Variants in TCF4 observed in about 807,000 individuals in gnomAD.
The protein encoded by TCF4 is transcription factor 4.
TCF4 carries 3 observed loss-of-function variants against 82.1 expected under a neutral mutation model. That is an observed-to-expected ratio of 0.04 (90% CI 0.02 to 0.09). The LOEUF (loss-of-function observed/expected upper bound fraction) is 0.09. Ranked by LOEUF, TCF4 falls within the 10% of genes least tolerant of loss-of-function variation. The probability of loss-of-function intolerance (pLI) is 1.00; values close to 1 mark genes in which losing one functional copy is unlikely to be tolerated. For missense variants in TCF4, 518 were observed against 852.7 expected (o/e 0.61, Z 4.89); for synonymous variants, 276 against 309.6 (o/e 0.89, Z 1.14).
At chr18:55,588,009 C>A (rs1337958315) in intron 1 of TCF4, 29 bp downstream of exon 1, 1 of 980,722 alleles carries the variant, frequency 1.0e-6, no homozygotes, top group African/African-American at 1.8e-5. Flanking sequence ...GCCTCCGCCC[C>A]GCCGAGCCCC....
intron 10 of TCF4, among the ~76,000 whole-genome samples, chr18:55,272,231 A>G (rs2146029930): frequency 6.6e-6 from 1 of 152,282 alleles, no homozygotes; most frequent in Admixed American, 6.5e-5. Flanking sequence ...TTAGAGACTC[A>G]TAGAAAATTA....
At chr18:55,576,564 T>G (rs2097529865) in intron 3 of TCF4, among the ~76,000 whole-genome samples, 1 of 152,132 alleles carries the variant, frequency 6.6e-6, no homozygotes, top group Non-Finnish European at 1.5e-5. Flanking sequence ...TCCAGTTTCT[T>G]TCATCTGTGC....
intron 5 of TCF4, among the ~76,000 whole-genome samples, chr18:55,451,305 T>C (rs1249991145): frequency 1.3e-5 from 2 of 152,172 alleles, no homozygotes; most frequent in African/African-American, 4.8e-5. Context: ...GATTACAAAG[T>C]GTATCACATC....
chr18:55,269,541 ACT>A (rs1012618796), intron 11 of TCF4: 2 of 422,438 alleles, frequency 4.7e-6, no homozygotes, highest in African/African-American at 2.0e-5. Context: ...GACTTTGTTC[ACT>A]CTTTTTGAAT....
upstream of TCF4, chr18:55,589,933 G>C: frequency 1.5e-6 from 1 of 671,976 alleles, no homozygotes; most frequent in Non-Finnish European, 1.8e-6. Context: ...GGTGCTGGTC[G>C]ACCACGCCTC....
chr18:55,596,493 C>T (rs2097691056), intron 2 of TCF4, among the ~76,000 whole-genome samples: 2 of 152,132 alleles, frequency 1.3e-5, no homozygotes, highest in South Asian at 4.1e-4. Flanking sequence ...ACAGTTGTAA[C>T]CTAGTAATTA....
intron 5 of TCF4, chr18:55,423,425 G>GCGCACACACA (rs1556305412): frequency 1.4e-5 from 2 of 141,590 alleles, no homozygotes; most frequent in Admixed American, 1.4e-4. Flanking sequence ...ACACGCGCGC[G>GCGCACACACA]CGCACACACA....
At chr18:55,520,882 C>A (rs896942772) in intron 3 of TCF4, among the ~76,000 whole-genome samples, 1 of 152,182 alleles carries the variant, frequency 6.6e-6, no homozygotes, top group Non-Finnish European at 1.5e-5. Flanking sequence ...AATCAGTGTT[C>A]CTTAAGCCAC....
chr18:55,468,538 A>G (rs2096083884), intron 3 of TCF4, among the ~76,000 whole-genome samples: 1 of 152,232 alleles, frequency 6.6e-6, no homozygotes, highest in East Asian at 1.9e-4. Context: ...GCAAGTACAC[A>G]GAATTTATTA....
intron 3 of TCF4, among the ~76,000 whole-genome samples, chr18:55,507,314 G>C (rs972517152): frequency 2.0e-5 from 3 of 152,190 alleles, no homozygotes; most frequent in Non-Finnish European, 4.4e-5. Flanking sequence ...CACTGCCATA[G>C]TAACAGTCAA....
At chr18:55,525,116 T>C (rs749872193) in intron 3 of TCF4, among the ~76,000 whole-genome samples, 24 of 152,142 alleles carry the variant, frequency 1.6e-4, no homozygotes, top group Non-Finnish European at 3.5e-4. Flanking sequence ...TTTAATTTCC[T>C]ATAAAGCTAG....
At chr18:55,625,288 G>C (rs920032408) in intron 2 of TCF4, among the ~76,000 whole-genome samples, 1 of 151,100 alleles carries the variant, frequency 6.6e-6, no homozygotes, top group Non-Finnish European at 1.5e-5. Context: ...GCCCAGGCTG[G>C]AGTGCAGTGG....
At chr18:55,634,269 C>CA (rs758449204) in intron 1 of TCF4, among the ~76,000 whole-genome samples, 50 of 146,884 alleles carry the variant, frequency 3.4e-4, no homozygotes, top group Non-Finnish European at 4.3e-4. Flanking sequence ...GACTCCGTCT[C>CA]AAAAAAAACA....
chr18:55,622,029 T>C (rs904231718), intron 2 of TCF4, among the ~76,000 whole-genome samples: 2 of 135,702 alleles, frequency 1.5e-5, no homozygotes, highest in South Asian at 2.1e-4. Flanking sequence ...ATACACTATA[T>C]ATTATATATA....
chr18:55,591,759 T>C (rs2097685686), upstream of TCF4, among the ~76,000 whole-genome samples: 1 of 152,160 alleles, frequency 6.6e-6, no homozygotes, highest in South Asian at 2.1e-4. Context: ...TCAGGTGGTC[T>C]GCCCACCTCG....
At chr18:55,536,833 T>C (rs1481630326) in intron 3 of TCF4, among the ~76,000 whole-genome samples, 1 of 152,208 alleles carries the variant, frequency 6.6e-6, no homozygotes, top group East Asian at 1.9e-4. Flanking sequence ...ATCATACTTT[T>C]AAAAGTACTT....
chr18:55,633,766 T>C lies in TCF4; in HGVS notation c.195+1937A>G, dbSNP rs2097733602. 2.0e-5 allele frequency among the ~76,000 whole-genome samples: 3 copies of C among 152,042 alleles called. No homozygotes were observed. Among genetic ancestry groups the C allele is most frequent in the Admixed American group, 2.0e-4 (3 of 15,258 alleles). On this transcript the variant is annotated intron_variant, in intron 1 of 20. Coordinates refer to the TCF4 transcript ENST00000398339. The surrounding 1 kb of genome is among the most constrained non-coding windows in gnomAD (Gnocchi z 4.0). ...TACTTAATGACAATACTTAAATGAA[T>C]AGGTATGTCTCGGTTAAGCCCAAAG...
intron 6 of TCF4, among the ~76,000 whole-genome samples, chr18:55,374,554 A>G (rs893487775): frequency 5.3e-5 from 8 of 152,188 alleles, no homozygotes; most frequent in Non-Finnish European, 7.3e-5. Context: ...AAACTATCAC[A>G]ATTGAAACAC....
chr18:55,574,143 C>T (rs542279106), intron 3 of TCF4, among the ~76,000 whole-genome samples: 2 of 152,256 alleles, frequency 1.3e-5, no homozygotes, highest in South Asian at 4.1e-4. Flanking sequence ...CCTAACACTA[C>T]ACTTCAAGGG....
Sources: gnomAD v4.1 joint callset for allele counts (sites outside exome capture counted in the v4.1 genomes callset) on GRCh38, gnomAD v4.1.1 for gene constraint, Gnocchi (gnomAD v3.1) non-coding constraint, MANE v1.5 for transcripts, NCBI Gene and HGNC (gene_info 2026-07-23, HGNC 2026-07-21) for gene names.